DZANK1: variants seen among roughly 807,000 people sequenced by gnomAD.
DZANK1 encodes the protein double zinc ribbon and ankyrin repeat domains 1.
DZANK1 carries 91 observed loss-of-function variants against 94.5 expected under a neutral mutation model. That is an observed-to-expected ratio of 0.96 (90% CI 0.81 to 1.15). The LOEUF is 1.15. Ranked by LOEUF, DZANK1 falls within the 50% of genes most tolerant of loss-of-function variation. The pLI is 0.00. For synonymous variants in DZANK1, 312 were observed against 325.3 expected (o/e 0.96, Z 0.44); for missense variants, 903 against 916.4 (o/e 0.99, Z 0.19).
intron 3 of DZANK1, among the ~76,000 whole-genome samples, 171 bp from the exon 4 acceptor site, chr20:18,455,532 T>C (rs2059256619): frequency 6.6e-6 from 1 of 152,206 alleles, no homozygotes; most frequent in Non-Finnish European, 1.5e-5. Context: ...CTCCTTCCTT[T>C]TGGGCTATTT....
At chr20:18,394,495 C>A in intron 15 of DZANK1, 145 bp from the exon 16 acceptor site, 1 of 798,916 alleles carries the variant, frequency 1.3e-6, no homozygotes, top group Non-Finnish European at 2.1e-6. Flanking sequence ...GGATGTCCTT[C>A]CTGACTCCTC....
chr20:18,451,954 G>A (rs1286264682), intron 6 of DZANK1: 2 of 518,220 alleles, frequency 3.9e-6, no homozygotes, highest in Admixed American at 1.9e-5. Context: ...AAATGGGACT[G>A]TGTCTTGCCT....
chr20:18,391,900 AG>A (rs1431276036), intron 17 of DZANK1, among the ~76,000 whole-genome samples: 4 of 152,250 alleles, frequency 2.6e-5, no homozygotes, highest in Non-Finnish European at 5.9e-5. Context: ...AACCCCCAGC[AG>A]GGGTCTTGGG....
At chr20:18,383,487 G>A (rs776275357) in exon 21 of DZANK1, 1 of 152,122 alleles carries the variant, frequency 6.6e-6, no homozygotes, top group Non-Finnish European at 1.5e-5. Flanking sequence ...TCTTTACATA[G>A]TAATTAGGAG....
rs1555780931 is a variant in DZANK1, at chr20:18,465,380, C to CTCTA, written c.-19-4_-19-3insTAGA. 5,426 of 898,110 alleles carry CTCTA rather than the reference C, an allele frequency of 6.0e-3. 3 individuals carry two copies. Among genetic ancestry groups the CTCTA allele is most frequent in the Non-Finnish European group, 6.8e-3 (4,234 of 625,738 alleles). 55.6% of individuals were successfully genotyped at this position (898,110 alleles called of 1,614,324 possible). Reference sequence around the variant, plus strand: ...TCATTTTCTCTCTCTCTCTCTCTCTCTATATATATATACATATAAATTCCA... The same window carrying CTCTA: ...TCATTTTCTCTCTCTCTCTCTCTCTCTCTATATATATATATACATATAAATTCCA... On this transcript the variant is annotated splice_polypyrimidine_tract_variant and splice_region_variant and intron_variant, in intron 1 of 20. Transcript: ENST00000262547.
In DZANK1 at chr20:18,394,598, C is replaced by T. The variant is rs537825445; in HGVS notation, c.1612-248G>A. The T allele has an allele frequency of 6.3e-5, 42 of 661,566 alleles. 2 individuals are homozygous for T. In the Admixed American group the frequency reaches 6.4e-4, roughly 10 times the overall value. 41.0% of individuals were successfully genotyped at this position (661,566 alleles called of 1,614,324 possible). The stretch of plus-strand genomic sequence containing the variant: ...TCCCTCCCTGAAGCCCCAGCCCCCT[C>T]GTCTCACATTGGGACCATCACAATA... On this transcript the variant is annotated intron_variant, in intron 15 of 20. Transcript: ENST00000262547.
At chr20:18,384,824 GT>G (rs1406535389) in intron 20 of DZANK1, among the ~76,000 whole-genome samples, 191 bp downstream of exon 20, 4 of 152,158 alleles carry the variant, frequency 2.6e-5, no homozygotes, top group African/African-American at 9.7e-5. Flanking sequence ...CTACAACTGA[GT>G]GTGTTTAATG....
At chr20:18,389,978 A>G (rs1341543696) in intron 18 of DZANK1, 150 bp from the exon 19 acceptor site, 1 of 1,241,706 alleles carries the variant, frequency 8.1e-7, no homozygotes, top group Non-Finnish European at 1.1e-6. Context: ...CAGGAACCTC[A>G]AGACCTGATC....
chr20:18,457,249 C>T (rs551394377), intron 3 of DZANK1, among the ~76,000 whole-genome samples: 14 of 152,176 alleles, frequency 9.2e-5, no homozygotes, highest in Admixed American at 3.9e-4. Flanking sequence ...CCAAGGCAGG[C>T]GAATCACTTG....
intron 9 of DZANK1, 68 bp from the exon 10 acceptor site, chr20:18,427,227 A>G: frequency 8.0e-7 from 1 of 1,244,938 alleles, no homozygotes; most frequent in Non-Finnish European, 1.1e-6. Flanking sequence ...ATCATCAACC[A>G]GTCTTTTCTG....
chr20:18,451,489 C>G (rs1233390452), intron 6 of DZANK1, among the ~76,000 whole-genome samples: 1 of 152,146 alleles, frequency 6.6e-6, no homozygotes, highest in Non-Finnish European at 1.5e-5. Context: ...CTTCTCTTCA[C>G]TTTCTGTTCA....
At chr20:18,449,419 T>C (rs1335596534) in intron 6 of DZANK1, among the ~76,000 whole-genome samples, 1 of 152,070 alleles carries the variant, frequency 6.6e-6, no homozygotes, top group Non-Finnish European at 1.5e-5. Flanking sequence ...TACTCTAGTA[T>C]CTAACATTTC....
intron 13 of DZANK1, among the ~76,000 whole-genome samples, chr20:18,402,202 T>C (rs1427970048): frequency 6.6e-6 from 1 of 151,784 alleles, no homozygotes; most frequent in Non-Finnish European, 1.5e-5. Flanking sequence ...CCCCCAGAAA[T>C]GTCAGGTGAC....
exon 18 of DZANK1, chr20:18,390,437 T>A (rs1283578787): frequency 6.2e-7 from 1 of 1,613,932 alleles, no homozygotes; most frequent in South Asian, 1.1e-5. Flanking sequence ...TCCGACTTCC[T>A]TCAGCAGGAG....
chr20:18,394,114 G>A, intron 16 of DZANK1, 140 bp downstream of exon 16: 2 of 746,146 alleles, frequency 2.7e-6, no homozygotes, highest in South Asian at 3.7e-5. Flanking sequence ...CTTCAGAGAA[G>A]CCAGAGAAAT....
exon 6 of DZANK1, chr20:18,452,657 A>G (rs906848704): frequency 4.7e-5 from 76 of 1,604,738 alleles, no homozygotes; most frequent in Non-Finnish European, 6.3e-5. Context: ...ATCCTCCACC[A>G]TAAGCTGGGA....
intron 6 of DZANK1, chr20:18,452,069 T>G: frequency 1.8e-5 from 4 of 222,330 alleles, no homozygotes; most frequent in Non-Finnish European, 2.4e-5. Flanking sequence ...CATTTAGGGG[T>G]GGTTTTTTTT....
intron 2 of DZANK1, among the ~76,000 whole-genome samples, chr20:18,461,438 A>G (rs2059468066): frequency 6.6e-6 from 1 of 152,134 alleles, no homozygotes; most frequent in South Asian, 2.1e-4. Context: ...TTCCCTACAC[A>G]TGGATCTTTA....
chr20:18,459,300 G>A (rs1392582503), intron 3 of DZANK1, among the ~76,000 whole-genome samples: 1 of 152,136 alleles, frequency 6.6e-6, no homozygotes, highest in African/African-American at 2.4e-5. Context: ...TGCATAAAGG[G>A]GTTGTTTTGT....
Sources: gnomAD v4.1 joint callset for allele counts (sites outside exome capture counted in the v4.1 genomes callset) on GRCh38, gnomAD v4.1.1 for gene constraint, MANE v1.5 for transcripts, NCBI Gene and HGNC (gene_info 2026-07-23, HGNC 2026-07-21) for gene names.